Variants in ISCU observed in about 807,000 individuals in gnomAD.
ISCU encodes iron-sulfur cluster assembly enzyme ISCU.
A neutral mutation model predicts 18.4 loss-of-function variants in ISCU; 13 were observed. The observed-to-expected ratio is 0.71, with a 90% confidence interval of 0.46 to 1.12. The LOEUF (loss-of-function observed/expected upper bound fraction) is 1.12. Among genes scored for constraint, ISCU ranks in the 50% most tolerant of loss-of-function variants. The pLI, the probability that ISCU is intolerant of heterozygous loss-of-function variation, is 0.00. For missense variants in ISCU, 229 were observed against 208.7 expected, an observed-to-expected ratio of 1.10 and a Z score of -0.60; for synonymous variants, 104 against 87.5, an observed-to-expected ratio of 1.19 and a Z score of -1.06.
chr12:108,563,839 A>C (rs1261172715), intron 1 of ISCU: 5 of 552,454 alleles, frequency 9.1e-6, no homozygotes, highest in Non-Finnish European at 3.2e-6. Context: ...TTCCCTGTGT[A>C]ACAGTCACCT....
intron 1 of ISCU, 184 bp downstream of exon 1, chr12:108,562,920 G>A: frequency 2.5e-6 from 1 of 401,030 alleles, no homozygotes; most frequent in Non-Finnish European, 4.4e-6. Context: ...ACCGCTCATC[G>A]GGCGGCGACT....
upstream of ISCU, chr12:108,562,552 T>A: frequency 2.3e-6 from 2 of 882,474 alleles, no homozygotes; most frequent in Non-Finnish European, 3.1e-6. Context: ...CGCTCCCAGC[T>A]CGGAGCCGAC....
intron 4 of ISCU, chr12:108,567,565 T>A: frequency 9.9e-7 from 1 of 1,014,786 alleles, no homozygotes; most frequent in Non-Finnish European, 1.5e-6. Flanking sequence ...TTCCCTCTTA[T>A]GGATGAGGAA....
chr12:108,568,336 G>A (rs893349302), intron 4 of ISCU: 9 of 1,079,228 alleles, frequency 8.3e-6, no homozygotes, highest in African/African-American at 6.7e-5. Context: ...TCAAACTCTC[G>A]ATCACTAGAG....
intron 1 of ISCU, 176 bp downstream of exon 1, chr12:108,562,912 C>G (rs916807508): frequency 2.5e-6 from 1 of 404,704 alleles, no homozygotes; most frequent in African/African-American, 2.1e-5. Context: ...CAACAGTTAC[C>G]GCTCATCGGG....
intron 3 of ISCU, among the ~76,000 whole-genome samples, chr12:108,566,478 C>G (rs1303854198): frequency 6.6e-6 from 1 of 152,190 alleles, no homozygotes; most frequent in Non-Finnish European, 1.5e-5. Context: ...CTGAATCAAC[C>G]AAGAAGGGTT....
rs754409624 is a variant in ISCU at position 108,569,064 on chromosome 12, C to A, written c.*148C>A. The A allele has an allele frequency of 4.3e-6, 3 of 702,132 alleles. No homozygotes were observed. Among genetic ancestry groups the A allele is most frequent in the South Asian group, 1.6e-5 (1 of 63,618 alleles). The allele number at this position is 702,132 out of a possible 1,614,324, so 43.5% of individuals were successfully genotyped here. A position where few individuals can be genotyped will look rare whatever the true frequency, so the allele number is the denominator to read the frequency against. On this transcript the variant is annotated 3_prime_UTR_variant, in exon 5 of 5. Coordinates refer to ENST00000311893, the MANE Select transcript of ISCU (RefSeq NM_213595.4). ...TGCTGTTCACGTTATGACTCTCATG[C>A]AAGCAAAATACACAGTTTCATTGTT...
intron 2 of ISCU, chr12:108,564,939 G>A (rs2030819921): frequency 3.6e-6 from 1 of 279,536 alleles, no homozygotes; most frequent in Non-Finnish European, 6.8e-6. Flanking sequence ...TGCTGCCCAA[G>A]AAAAAAGTAT....
intron 3 of ISCU, among the ~76,000 whole-genome samples, chr12:108,566,946 A>C (rs1329020732): frequency 6.6e-6 from 1 of 152,174 alleles, no homozygotes; most frequent in East Asian, 1.9e-4. Flanking sequence ...TGACTTAGAG[A>C]AGTGTCTGGG....
chr12:108,565,404 A>G lies in ISCU; in HGVS notation c.312A>G (p.Leu104=). ...GCGSAIASSS[L]ATEWVKGKTV... is the part of the protein sequence containing the mutation. ...GTTCCGCAATTGCCTCCAGCTCATT[A>G]GCCACTGAATGGGTGAAAGGAAAGA... The change falls in exon 3 of 5, where the codon TTA becomes TTG. Residue 104 remains leucine, a synonymous_variant. Coordinates refer to ENST00000311893, the MANE Select transcript of ISCU (RefSeq NM_213595.4). The G allele has an allele frequency of 6.2e-7, 1 of 1,613,540 alleles. No homozygotes were observed. Among genetic ancestry groups the G allele is most frequent in the Non-Finnish European group, 8.5e-7 (1 of 1,179,388 alleles).
At chr12:108,568,598 GC>G in intron 4 of ISCU, 1 of 1,401,876 alleles carries the variant, frequency 7.1e-7, no homozygotes. Context: ...TAAGGAACTA[GC>G]CTGGGATCAC....
At chr12:108,565,575 GTGT>G (rs2030858289) in intron 3 of ISCU, 144 bp downstream of exon 3, 1 of 658,060 alleles carries the variant, frequency 1.5e-6, no homozygotes, top group African/African-American at 1.8e-5. Context: ...ATTCTACTAG[GTGT>G]TGTTTGGGTT....
chr12:108,568,943 G>A lies in ISCU; in HGVS notation c.*27G>A. 1 of 1,587,854 alleles carries A rather than the reference G, an allele frequency of 6.3e-7. No individual in the cohort carries two copies. The highest frequency in any genetic ancestry group is 8.6e-7 in the Non-Finnish European group (1 of 1,163,288). ...CCCTCCCTCGGCGAAGCCTCCAGCA[G>A]GCCACACCAGCTGTTTCCCACCTGC... On this transcript the variant is annotated 3_prime_UTR_variant, in exon 5 of 5. Transcript: ENST00000311893.
intron 3 of ISCU, 67 bp from the exon 4 acceptor site, chr12:108,567,123 T>G (rs2030935196): frequency 1.0e-5 from 13 of 1,241,132 alleles, no homozygotes; most frequent in Middle Eastern, 4.7e-4. Context: ...GCCTCCCTTT[T>G]TTATTGGCTG....
intron 4 of ISCU, chr12:108,567,530 T>C (rs1565876602): frequency 1.1e-5 from 9 of 807,028 alleles, no homozygotes; most frequent in Non-Finnish European, 1.6e-5. Flanking sequence ...ACAAATATCC[T>C]TGAGTGCACA....
At chr12:108,568,691 C>A in intron 4 of ISCU, 140 bp from the exon 5 acceptor site, 1 of 1,504,896 alleles carries the variant, frequency 6.6e-7, no homozygotes, top group Non-Finnish European at 8.9e-7. Flanking sequence ...TGCCCAGCAA[C>A]TCCTCACCCC....
rs918789186 is a variant in ISCU, at chr12:108,569,258, A to G, written c.*342A>G. On this transcript the variant is annotated 3_prime_UTR_variant, in exon 5 of 5. Coordinates refer to ENST00000311893, the MANE Select transcript of ISCU (RefSeq NM_213595.4). The stretch of plus-strand genomic sequence containing the variant: ...TTTACCTGAATTGATTTGGGGGGAA[A>G]TTACCAGTAGAATGCCTTGGTCTGA... 3.2e-6 allele frequency: 1 copy of G among 308,878 alleles called. No homozygotes were observed. Among genetic ancestry groups the G allele is most frequent in the African/African-American group, 2.2e-5 (1 of 46,464 alleles). 19.1% of individuals were successfully genotyped at this position (308,878 alleles called of 1,614,324 possible). A position where few individuals can be genotyped will look rare whatever the true frequency, so the allele number is the denominator to read the frequency against.
upstream of ISCU, among the ~76,000 whole-genome samples, chr12:108,562,293 G>C (rs1161998512): frequency 1.3e-5 from 2 of 152,216 alleles, no homozygotes; most frequent in Admixed American, 1.3e-4. Flanking sequence ...AAGTGGACTC[G>C]GTGCTCCTCT....
chr12:108,561,999 C>T (rs1298098155), upstream of ISCU, among the ~76,000 whole-genome samples: 1 of 152,030 alleles, frequency 6.6e-6, no homozygotes, highest in Non-Finnish European at 1.5e-5. Flanking sequence ...CCGTTGGATC[C>T]CCGGGTCTAG....
Sources: allele counts gnomAD v4.1 joint callset (sites outside exome capture counted in the v4.1 genomes callset), GRCh38; gene constraint gnomAD v4.1.1; transcripts MANE v1.5; gene names NCBI Gene and HGNC (gene_info 2026-07-23, HGNC 2026-07-21).